CDH7: variants seen among roughly 807,000 people sequenced by gnomAD.
CDH7 encodes the protein cadherin 7.
In CDH7, 25 loss-of-function variants were observed where a neutral mutation model predicts 71.8. The ratio of observed to expected loss-of-function variants is 0.35; its 90% confidence interval spans 0.25 to 0.49. The LOEUF (loss-of-function observed/expected upper bound fraction) is 0.49, where lower values mean the gene tolerates loss of function less well. Among genes scored for constraint, CDH7 ranks in the 20% least tolerant of loss-of-function variants. CDH7 has a pLI of 0.99. For synonymous variants in CDH7, 381 were observed against 363.8 expected (o/e 1.05, Z -0.54); for missense variants, 862 against 974.6 (o/e 0.88, Z 1.54).
Position 65,872,391 on chromosome 18 carries a change from G to A in CDH7, c.1865-8010G>A, listed in dbSNP as rs558906649. On this transcript the variant is annotated intron_variant, in intron 11 of 11. Coordinates refer to ENST00000397968, the MANE Select transcript of CDH7 (RefSeq NM_004361.5). ...ATAAAATAAAAGTTAATAATATTGA[G>A]GGTATATGAAGATAAATTGTTGGCT... 8.3e-4 allele frequency among the ~76,000 whole-genome samples: 127 copies of A among 152,216 alleles called. 1 individual carries two copies. Among genetic ancestry groups the A allele is most frequent in the African/African-American group, 2.9e-3 (121 of 41,536 alleles).
intron 2 of CDH7, among the ~76,000 whole-genome samples, chr18:65,799,477 A>G (rs1380969790): frequency 2.0e-5 from 3 of 152,052 alleles, no homozygotes; most frequent in Non-Finnish European, 2.9e-5. Flanking sequence ...GGAGATCGAG[A>G]CCATCCTGGC....
chr18:65,813,017 A>G lies in CDH7; in HGVS notation c.506-1468A>G, dbSNP rs115128263. On this transcript the variant is annotated intron_variant, in intron 3 of 11. Coordinates refer to ENST00000397968, the MANE Select transcript of CDH7 (RefSeq NM_004361.5). ...TGTCCCCACCAGACATCCACAGGGCACAATCATCTAAGTCCATAAAATAAA... is the reference window on the plus strand; with the variant it reads ...TGTCCCCACCAGACATCCACAGGGCGCAATCATCTAAGTCCATAAAATAAA... Among the ~76,000 whole-genome samples, 1,301 of 152,282 alleles carry G rather than the reference A, an allele frequency of 8.5e-3. 14 individuals carry two copies. Among genetic ancestry groups the G allele is most frequent in the African/African-American group, 0.03 (1,226 of 41,548 alleles).
chr18:65,836,779 AT>A (rs1444094968), intron 6 of CDH7, among the ~76,000 whole-genome samples: 1 of 152,044 alleles, frequency 6.6e-6, no homozygotes, highest in Non-Finnish European at 1.5e-5. Context: ...GCTTACACTT[AT>A]TTTACTGTTT....
At chr18:65,771,496 T>G (rs1025568695) in intron 2 of CDH7, among the ~76,000 whole-genome samples, 1 of 150,916 alleles carries the variant, frequency 6.6e-6, no homozygotes, top group African/African-American at 2.4e-5. Flanking sequence ...AAAAATAAAA[T>G]AAAAATAAAA....
At chr18:65,805,220 C>T (rs957701437) in intron 2 of CDH7, among the ~76,000 whole-genome samples, 5 of 152,166 alleles carry the variant, frequency 3.3e-5, no homozygotes, top group Admixed American at 6.5e-5. Flanking sequence ...GAAATTGAAA[C>T]AAGAAACTAC....
intron 1 of CDH7, 112 bp from the exon 2 acceptor site, chr18:65,762,535 A>G (rs1449613660): frequency 5.8e-6 from 1 of 173,010 alleles, no homozygotes; most frequent in Non-Finnish European, 1.2e-5. Context: ...TATTTGTATA[A>G]TCTTGGAAAT....
chr18:65,875,093 G>C (rs1914036054), intron 11 of CDH7, among the ~76,000 whole-genome samples: 1 of 152,174 alleles, frequency 6.6e-6, no homozygotes, highest in South Asian at 2.1e-4. Flanking sequence ...TAGGTCATCA[G>C]CTATCATTAG....
At chr18:65,786,495 A>G (rs924649394) in intron 2 of CDH7, among the ~76,000 whole-genome samples, 2 of 152,144 alleles carry the variant, frequency 1.3e-5, no homozygotes, top group Non-Finnish European at 2.9e-5. Flanking sequence ...GAGTAAATCT[A>G]CCTCTGCATA....
At chr18:65,786,713 T>C (rs1422432523) in intron 2 of CDH7, among the ~76,000 whole-genome samples, 1 of 152,142 alleles carries the variant, frequency 6.6e-6, no homozygotes, top group Admixed American at 6.6e-5. Flanking sequence ...AGATAAGATC[T>C]TGCTTTGTTG....
intron 3 of CDH7, among the ~76,000 whole-genome samples, chr18:65,810,735 G>A (rs561352136): frequency 1.3e-5 from 2 of 152,204 alleles, no homozygotes; most frequent in South Asian, 4.1e-4. Context: ...CCCAGTGTGT[G>A]TTGTTCCCTG....
At chr18:65,761,213 A>G (rs1036585366) in intron 1 of CDH7, among the ~76,000 whole-genome samples, 4 of 152,304 alleles carry the variant, frequency 2.6e-5, no homozygotes, top group African/African-American at 9.6e-5. Context: ...TTATAGATAT[A>G]TATTTTTAAA....
intron 2 of CDH7, among the ~76,000 whole-genome samples, chr18:65,783,643 G>A (rs1244946435): frequency 1.3e-5 from 2 of 152,150 alleles, no homozygotes; most frequent in African/African-American, 2.4e-5. Context: ...ACGTTGGTGG[G>A]CTGAAGATAG....
rs116715722 is a variant in CDH7 at position 65,859,161 on chromosome 18, G to A, written c.1494+115G>A. 8.0e-4 allele frequency: 761 copies of A among 954,110 alleles called. 11 individuals carry two copies. In the African/African-American group the frequency reaches 0.011, roughly 14 times the overall value. The allele number at this position is 954,110 out of a possible 1,614,324, so 59.1% of individuals were successfully genotyped here. On this transcript the variant is annotated intron_variant, in intron 9 of 11. Transcript: ENST00000397968. Reference sequence around the variant, plus strand: ...GATAAAATATAATCAGCTTGTTTCAGCAAAACTAACACTTTGATGTGTAGC... The same window carrying A: ...GATAAAATATAATCAGCTTGTTTCAACAAAACTAACACTTTGATGTGTAGC...
intron 6 of CDH7, among the ~76,000 whole-genome samples, chr18:65,830,046 A>T (rs1447346482): frequency 6.6e-6 from 1 of 152,214 alleles, no homozygotes; most frequent in African/African-American, 2.4e-5. Flanking sequence ...TAGTGGATTC[A>T]TAACAATGTT....
chr18:65,838,189 G>A (rs1273920753), intron 6 of CDH7, among the ~76,000 whole-genome samples: 2 of 152,022 alleles, frequency 1.3e-5, no homozygotes, highest in Non-Finnish European at 2.9e-5. Flanking sequence ...CAAAGTGCTG[G>A]AATTACAGGC....
chr18:65,803,027 G>A (rs1911182149), intron 2 of CDH7: 1 of 152,090 alleles, frequency 6.6e-6, no homozygotes, highest in Admixed American at 6.6e-5. Context: ...TAATATGGAT[G>A]GAAATTTTGA....
At chr18:65,799,497 GA>G (rs1387634401) in intron 2 of CDH7, among the ~76,000 whole-genome samples, 3 of 152,050 alleles carry the variant, frequency 2.0e-5, no homozygotes, top group African/African-American at 7.2e-5. Context: ...CTAAAGAGGT[GA>G]AACCCCGTCT....
At chr18:65,795,619 A>G (rs1160861030) in intron 2 of CDH7, among the ~76,000 whole-genome samples, 1 of 152,132 alleles carries the variant, frequency 6.6e-6, no homozygotes, top group Non-Finnish European at 1.5e-5. Context: ...TTGTGATACT[A>G]ATTGGATTTG....
At position 65,776,401 on chromosome 18, in the gene CDH7, CAG is replaced by C. The variant is rs1555681615; in HGVS notation, c.210+13362_210+13363del. Among the ~76,000 whole-genome samples the C allele has an allele frequency of 4.2e-3, 520 of 124,722 alleles. 4 individuals are homozygous for C. The highest frequency in any genetic ancestry group is 0.016 in the African/African-American group (471 of 29,494). 81.8% of individuals were successfully genotyped at this position (124,722 alleles called of 152,430 possible). A position where few individuals can be genotyped will look rare whatever the true frequency, so the allele number is the denominator to read the frequency against. ...ACACACACACACACACACACACACA[CAG>C]AGAGAGAGAGAGGGAAGAGAGAGAA... On this transcript the variant is annotated intron_variant, in intron 2 of 11. Coordinates refer to ENST00000397968, the MANE Select transcript of CDH7 (RefSeq NM_004361.5).
Sources: allele counts gnomAD v4.1 joint callset (sites outside exome capture counted in the v4.1 genomes callset), GRCh38; gene constraint gnomAD v4.1.1; transcripts MANE v1.5; gene names NCBI Gene and HGNC (gene_info 2026-07-23, HGNC 2026-07-21).